The following THSD4 variants were observed in gnomAD, a reference collection of about 807,000 sequenced individuals.
The protein encoded by THSD4 is thrombospondin type-1 domain-containing protein 4.
In THSD4, 69 loss-of-function variants were observed where a neutral mutation model predicts 119.0. That is an observed-to-expected ratio of 0.58 (90% CI 0.48 to 0.71). The LOEUF (loss-of-function observed/expected upper bound fraction) is 0.71. THSD4 is among the 30% of genes least tolerant of loss of function. The pLI, the probability that THSD4 is intolerant of heterozygous loss-of-function variation, is 0.00. For synonymous variants in THSD4, 524 were observed against 540.4 expected, an observed-to-expected ratio of 0.97 and a Z score of 0.42; for missense variants, 1,393 against 1,391.1, an observed-to-expected ratio of 1.00 and a Z score of -0.02.
intron 6 of THSD4, among the ~76,000 whole-genome samples, chr15:71,395,993 G>A (rs549534658): frequency 6.0e-5 from 9 of 149,904 alleles, no homozygotes; most frequent in African/African-American, 1.2e-4. Context: ...TTGTTCAGGC[G>A]TCGGGATTCG....
chr15:71,581,362 G>T (rs2049554746), intron 7 of THSD4, among the ~76,000 whole-genome samples: 2 of 152,022 alleles, frequency 1.3e-5, no homozygotes, highest in East Asian at 3.9e-4. Flanking sequence ...GCCTTACTTT[G>T]AGAAATGTCT....
At chr15:71,533,058 C>G (rs2048639267) in intron 7 of THSD4, among the ~76,000 whole-genome samples, 1 of 152,170 alleles carries the variant, frequency 6.6e-6, no homozygotes, top group Non-Finnish European at 1.5e-5. Flanking sequence ...GCAATTGAGT[C>G]TTCCCTGGGT....
intron 7 of THSD4, among the ~76,000 whole-genome samples, chr15:71,466,441 A>G (rs1188693861): frequency 1.3e-5 from 2 of 151,924 alleles, no homozygotes; most frequent in Non-Finnish European, 1.5e-5. Flanking sequence ...CCTGAGCCCC[A>G]GCATCCCCCA....
intron 1 of THSD4, among the ~76,000 whole-genome samples, chr15:71,101,905 G>T (rs2040255248): frequency 6.6e-6 from 1 of 151,958 alleles, no homozygotes; most frequent in Admixed American, 6.6e-5. Flanking sequence ...GTAGAGACGG[G>T]GTTTCACCAT....
At chr15:71,738,898 G>C (rs1285381979) in intron 11 of THSD4, among the ~76,000 whole-genome samples, 1 of 152,090 alleles carries the variant, frequency 6.6e-6, no homozygotes, top group Admixed American at 6.5e-5. Flanking sequence ...GGGCTTAGAG[G>C]TTCTCTCTCA....
At chr15:71,520,326 AT>A in intron 7 of THSD4, among the ~76,000 whole-genome samples, 1 of 152,310 alleles carries the variant, frequency 6.6e-6, no homozygotes, top group East Asian at 1.9e-4. Flanking sequence ...AGCTTGCTCC[AT>A]GATGCCATTT....
chr15:71,278,485 T>A (rs141659555), intron 6 of THSD4, among the ~76,000 whole-genome samples: 2 of 152,200 alleles, frequency 1.3e-5, no homozygotes, highest in Non-Finnish European at 2.9e-5. Context: ...AATAACTCAC[T>A]TGTAGCTCTG....
chr15:71,587,905 C>T (rs1467551028), intron 7 of THSD4, among the ~76,000 whole-genome samples: 1 of 151,590 alleles, frequency 6.6e-6, no homozygotes, highest in African/African-American at 2.4e-5. Flanking sequence ...AGGTAACACA[C>T]CCAGTGGCTT....
chr15:71,569,774 A>C (rs1488073376), intron 7 of THSD4, among the ~76,000 whole-genome samples: 1 of 152,182 alleles, frequency 6.6e-6, no homozygotes, highest in Non-Finnish European at 1.5e-5. Context: ...CGGGCAGATC[A>C]CTTGAGGTCA....
chr15:71,470,634 T>A (rs576954184), intron 7 of THSD4, among the ~76,000 whole-genome samples: 81 of 148,734 alleles, frequency 5.4e-4, no homozygotes, highest in East Asian at 1.4e-3. Context: ...ATTTTATTAT[T>A]TTTTTTTTTT....
chr15:71,632,616 G>A (rs1331673301), intron 7 of THSD4, among the ~76,000 whole-genome samples: 1 of 152,224 alleles, frequency 6.6e-6, no homozygotes, highest in Non-Finnish European at 1.5e-5. Context: ...AGTGTTGGTG[G>A]AGTGAACTCC....
At chr15:71,157,533 G>C (rs1289919513) in intron 3 of THSD4, among the ~76,000 whole-genome samples, 1 of 151,540 alleles carries the variant, frequency 6.6e-6, no homozygotes, top group Non-Finnish European at 1.5e-5. Flanking sequence ...CAACCTACTG[G>C]GTAATAGAAC....
intron 6 of THSD4, among the ~76,000 whole-genome samples, chr15:71,318,619 C>G (rs899738572): frequency 3.3e-5 from 5 of 152,246 alleles, no homozygotes; most frequent in African/African-American, 1.2e-4. Flanking sequence ...CAACACAAAC[C>G]AGGGGCCTGT....
intron 6 of THSD4, among the ~76,000 whole-genome samples, chr15:71,339,061 G>A (rs574467989): frequency 2.2e-4 from 34 of 152,222 alleles, no homozygotes; most frequent in Non-Finnish European, 3.8e-4. Context: ...CTGCGGCCTC[G>A]CCTCTTCTCA....
chr15:71,670,470 T>G (rs377191798), intron 8 of THSD4, among the ~76,000 whole-genome samples: 8 of 150,310 alleles, frequency 5.3e-5, no homozygotes, highest in East Asian at 4.1e-4. Context: ...TTTCTTTTTT[T>G]GTTTGTTTTT....
intron 14 of THSD4, among the ~76,000 whole-genome samples, chr15:71,752,513 A>G (rs543384385): frequency 4.6e-5 from 7 of 152,240 alleles, no homozygotes; most frequent in Non-Finnish European, 1.0e-4. Context: ...CTACCCTCAG[A>G]ATAGATCATG....
chr15:71,182,101 CT>C (rs2043536219), intron 3 of THSD4, among the ~76,000 whole-genome samples: 4 of 147,158 alleles, frequency 2.7e-5, no homozygotes, highest in Non-Finnish European at 6.1e-5. Context: ...AGTGTTCCTT[CT>C]CTATGACACC....
At chr15:71,526,378 C>T (rs1007220086) in intron 7 of THSD4, among the ~76,000 whole-genome samples, 3 of 152,132 alleles carry the variant, frequency 2.0e-5, no homozygotes, top group Admixed American at 6.5e-5. Flanking sequence ...GAATATTTTC[C>T]AGTTACTTCT....
At chr15:71,438,374 A>G (rs2047044459) in intron 7 of THSD4, among the ~76,000 whole-genome samples, 3 of 152,074 alleles carry the variant, frequency 2.0e-5, no homozygotes, top group African/African-American at 7.2e-5. Flanking sequence ...TAAATGGCAA[A>G]TTTAGCAATT....
Sources: allele counts gnomAD v4.1 joint callset (sites outside exome capture counted in the v4.1 genomes callset), GRCh38; gene constraint gnomAD v4.1.1; transcripts MANE v1.5; gene names NCBI Gene and HGNC (gene_info 2026-07-23, HGNC 2026-07-21).